The following HMCN1 variants were observed in gnomAD, a reference collection of about 807,000 sequenced individuals.
HMCN1 encodes the protein hemicentin-1.
A neutral mutation model predicts 625.9 loss-of-function variants in HMCN1; 321 were observed. The ratio of observed to expected loss-of-function variants is 0.51; its 90% CI spans 0.47 to 0.56. The LOEUF (loss-of-function observed/expected upper bound fraction) is 0.56. Ranked by LOEUF, HMCN1 falls within the 20% of genes least tolerant of loss-of-function variation. The pLI, the probability that HMCN1 is intolerant of heterozygous loss-of-function variation, is 0.00. For missense variants in HMCN1, 6,588 were observed against 6,887.3 expected, an observed-to-expected ratio of 0.96 and a Z score of 1.54; for synonymous variants, 2,425 against 2,417.6, an observed-to-expected ratio of 1.00 and a Z score of -0.09.
intron 55 of HMCN1, 131 bp downstream of exon 55, chr1:186,078,351 G>C (rs1658954731): frequency 4.3e-6 from 3 of 703,796 alleles, no homozygotes; most frequent in Non-Finnish European, 7.7e-6. Flanking sequence ...TTCTCCCAAG[G>C]AGGTAATTAT....
chr1:185,850,835 A>C (rs1211363376), intron 2 of HMCN1, among the ~76,000 whole-genome samples: 6 of 152,014 alleles, frequency 3.9e-5, no homozygotes, highest in Non-Finnish European at 8.8e-5. Flanking sequence ...TAATTAGAAC[A>C]ACCAGCAAGG....
chr1:186,186,630 C>A (rs1187829774), intron 105 of HMCN1, among the ~76,000 whole-genome samples: 2 of 152,160 alleles, frequency 1.3e-5, no homozygotes, highest in East Asian at 3.9e-4. Context: ...TATTCTTATT[C>A]TCTGTTTATC....
chr1:185,847,370 A>G (rs1310937492), intron 2 of HMCN1, among the ~76,000 whole-genome samples: 1 of 152,162 alleles, frequency 6.6e-6, no homozygotes, highest in Non-Finnish European at 1.5e-5. Flanking sequence ...TGTTTGATCA[A>G]TAAAATCTTC....
intron 64 of HMCN1, among the ~76,000 whole-genome samples, chr1:186,091,299 A>G (rs1462572610): frequency 6.6e-6 from 1 of 152,072 alleles, no homozygotes; most frequent in Admixed American, 6.6e-5. Flanking sequence ...TTTATCTCAC[A>G]AATGATTCAT....
intron 100 of HMCN1, among the ~76,000 whole-genome samples, chr1:186,170,861 G>A (rs1410657944): frequency 6.6e-6 from 1 of 152,218 alleles, no homozygotes; most frequent in South Asian, 2.1e-4. Context: ...GGCAGTGACT[G>A]CCAAATGTAG....
At chr1:185,953,013 A>AC (rs1337004138) in intron 11 of HMCN1, among the ~76,000 whole-genome samples, 1 of 149,058 alleles carries the variant, frequency 6.7e-6, no homozygotes, top group African/African-American at 2.6e-5. Flanking sequence ...GAAATAAGGG[A>AC]TTGGGGGGTT....
At chr1:185,893,819 AAGCATAC>A (rs1267053307) in intron 4 of HMCN1, among the ~76,000 whole-genome samples, 5 of 152,226 alleles carry the variant, frequency 3.3e-5, no homozygotes, top group Non-Finnish European at 7.3e-5. Context: ...AAGTGCACAT[AAGCATAC>A]AGCTTAATAC....
chr1:186,078,526 G>A (rs1658966650), intron 55 of HMCN1, among the ~76,000 whole-genome samples: 1 of 152,176 alleles, frequency 6.6e-6, no homozygotes, highest in Non-Finnish European at 1.5e-5. Flanking sequence ...TTCAAATGAG[G>A]TCAACCAGAC....
intron 4 of HMCN1, among the ~76,000 whole-genome samples, chr1:185,877,476 G>T (rs1381654736): frequency 6.6e-6 from 1 of 151,062 alleles, no homozygotes; most frequent in South Asian, 2.1e-4. Flanking sequence ...TTAATTTCAG[G>T]ATTTTTTTTC....
At chr1:185,850,846 G>GA (rs887858245) in intron 2 of HMCN1, among the ~76,000 whole-genome samples, 56 of 151,896 alleles carry the variant, frequency 3.7e-4, no homozygotes, top group African/African-American at 1.3e-3. Flanking sequence ...ACCAGCAAGG[G>GA]AAAAAAATCA....
intron 105 of HMCN1, among the ~76,000 whole-genome samples, chr1:186,186,945 T>C (rs1352107155): frequency 6.6e-6 from 1 of 151,370 alleles, no homozygotes; most frequent in Non-Finnish European, 1.5e-5. Context: ...ATGGACCCTC[T>C]TTCTTGAAAA....
chr1:186,086,113 A>C, intron 57 of HMCN1, 133 bp from the exon 58 acceptor site: 1 of 808,254 alleles, frequency 1.2e-6, no homozygotes, highest in Non-Finnish European at 2.0e-6. Flanking sequence ...GAATTGTAAG[A>C]CAGACAGCTA....
chr1:186,153,100 T>C (rs1468021413), intron 96 of HMCN1, among the ~76,000 whole-genome samples: 1 of 152,266 alleles, frequency 6.6e-6, no homozygotes, highest in East Asian at 1.9e-4. Flanking sequence ...AAATACTTGA[T>C]GTAAGGCATT....
intron 80 of HMCN1, among the ~76,000 whole-genome samples, chr1:186,120,765 C>A (rs1370299456): frequency 6.6e-6 from 1 of 152,110 alleles, no homozygotes; most frequent in African/African-American, 2.4e-5. Context: ...TATTATAAAT[C>A]TAATTGGTTT....
intron 97 of HMCN1, among the ~76,000 whole-genome samples, chr1:186,157,828 T>A (rs1408957541): frequency 6.6e-6 from 1 of 152,302 alleles, no homozygotes; most frequent in Admixed American, 6.5e-5. Flanking sequence ...ATTTTCTTAA[T>A]CCAGTCTATC....
intron 2 of HMCN1, among the ~76,000 whole-genome samples, chr1:185,855,235 C>A (rs992682912): frequency 1.3e-5 from 2 of 152,160 alleles, no homozygotes; most frequent in African/African-American, 2.4e-5. Context: ...GACCAGGAAT[C>A]CATTCCAACC....
At chr1:185,894,835 A>G (rs1220158289) in intron 4 of HMCN1, among the ~76,000 whole-genome samples, 2 of 152,222 alleles carry the variant, frequency 1.3e-5, no homozygotes, top group African/African-American at 4.8e-5. Context: ...TCACATGAAA[A>G]TAATTACTGA....
chr1:186,154,470 C>A (rs1650867232), intron 97 of HMCN1, among the ~76,000 whole-genome samples: 1 of 151,958 alleles, frequency 6.6e-6, no homozygotes, highest in South Asian at 2.1e-4. Flanking sequence ...TGCAGTGAGC[C>A]GAGATCACGC....
chr1:185,752,171 TTA>T (rs1460233649), intron 1 of HMCN1, among the ~76,000 whole-genome samples: 1 of 152,124 alleles, frequency 6.6e-6, no homozygotes, highest in Non-Finnish European at 1.5e-5. Flanking sequence ...CTATTATCTG[TTA>T]TATGTTTCTG....
Sources: allele counts gnomAD v4.1 joint callset (sites outside exome capture counted in the v4.1 genomes callset), GRCh38; gene constraint gnomAD v4.1.1; transcripts MANE v1.5; gene names NCBI Gene and HGNC (gene_info 2026-07-23, HGNC 2026-07-21).